DNMBP: variants seen among roughly 807,000 people sequenced by gnomAD.
DNMBP encodes dynamin binding protein.
A neutral mutation model predicts 150.0 loss-of-function variants in DNMBP; 87 were observed. The ratio of observed to expected loss-of-function variants is 0.58; its 90% confidence interval spans 0.49 to 0.69. DNMBP has a LOEUF of 0.69. Among genes scored for constraint, DNMBP ranks in the 30% least tolerant of loss-of-function variants. The probability of loss-of-function intolerance (pLI) is 0.00; values close to 1 mark genes in which losing one functional copy is unlikely to be tolerated. For missense variants in DNMBP, 1,774 were observed against 1,949.0 expected (o/e 0.91, Z 1.69); for synonymous variants, 711 against 750.4 (o/e 0.95, Z 0.86).
chr10:99,977,989 T>A (rs948358274), intron 1 of DNMBP, among the ~76,000 whole-genome samples: 9 of 152,186 alleles, frequency 5.9e-5, no homozygotes, highest in Non-Finnish European at 1.0e-4. Context: ...GACTTCTTCA[T>A]CCTCTATGGC....
At chr10:99,942,534 T>C (rs184689434) in intron 4 of DNMBP, among the ~76,000 whole-genome samples, 15 of 152,318 alleles carry the variant, frequency 9.8e-5, no homozygotes, top group African/African-American at 3.4e-4. Flanking sequence ...GATGAATTAT[T>C]TTCCTGTACC....
chr10:99,963,792 C>G (rs7899698), intron 3 of DNMBP, among the ~76,000 whole-genome samples: 1 of 148,466 alleles, frequency 6.7e-6, no homozygotes, highest in African/African-American at 2.5e-5. Flanking sequence ...GGGTTCCTCA[C>G]GGACTCCTTT....
At chr10:99,979,007 A>G (rs1392764971) in intron 1 of DNMBP, among the ~76,000 whole-genome samples, 7 of 152,172 alleles carry the variant, frequency 4.6e-5, no homozygotes, top group Non-Finnish European at 1.0e-4. Context: ...AATCTGATTA[A>G]TCTTTCTAAA....
intron 4 of DNMBP, among the ~76,000 whole-genome samples, chr10:99,936,929 T>C (rs2040239915): frequency 6.6e-6 from 1 of 151,606 alleles, no homozygotes; most frequent in African/African-American, 2.4e-5. Context: ...GACAGAGTGT[T>C]ACTCTGTCAC....
intron 7 of DNMBP, 120 bp from the exon 8 acceptor site, chr10:99,898,880 C>T: frequency 1.0e-6 from 1 of 997,754 alleles, no homozygotes; most frequent in Non-Finnish European, 1.5e-6. Flanking sequence ...TTTATGGTAA[C>T]ATATTTAGTC....
At chr10:99,948,787 A>T (rs2040387097) in intron 4 of DNMBP, among the ~76,000 whole-genome samples, 1 of 151,890 alleles carries the variant, frequency 6.6e-6, no homozygotes, top group Non-Finnish European at 1.5e-5. Context: ...ACATGGTGAA[A>T]CCCCATCTCT....
chr10:99,918,451 GAA>G (rs1054050782), intron 4 of DNMBP, among the ~76,000 whole-genome samples: 5 of 152,046 alleles, frequency 3.3e-5, no homozygotes, highest in Non-Finnish European at 7.4e-5. Context: ...CCTGCTGGGA[GAA>G]ATTCCACCTC....
intron 3 of DNMBP, among the ~76,000 whole-genome samples, chr10:99,959,920 G>C (rs1032715393): frequency 1.3e-5 from 2 of 151,706 alleles, no homozygotes; most frequent in African/African-American, 4.8e-5. Context: ...TGAAGGGTAT[G>C]GACAATGAAT....
At chr10:99,992,595 C>T (rs925750486) in intron 1 of DNMBP, among the ~76,000 whole-genome samples, 3 of 147,512 alleles carry the variant, frequency 2.0e-5, no homozygotes, top group Non-Finnish European at 4.5e-5. Flanking sequence ...GGCGTGATCT[C>T]GGCTCACTGC....
chr10:99,928,618 T>C (rs1482502771), intron 4 of DNMBP, among the ~76,000 whole-genome samples: 1 of 152,130 alleles, frequency 6.6e-6, no homozygotes, highest in Non-Finnish European at 1.5e-5. Context: ...CTCTACATGA[T>C]AAAAGACTCC....
chr10:99,880,044 C>T lies in DNMBP; in HGVS notation c.4315G>A (p.Asp1439Asn), dbSNP rs780466144. ...SSPSRCPSDP[D>N]STSQPRSGDS... ...CCTGACCTTGGCTGGGAGGTGGAGT[C>T]TGGGTCTGAAGGGCATCTGGAAGGA... Residue 1439 changes from aspartate (D) to asparagine (N), a missense_variant, in exon 16 of 17, where the codon GAC (aspartate) becomes AAC (asparagine). Coordinates refer to ENST00000324109, the MANE Select transcript of DNMBP (RefSeq NM_015221.4). 6.2e-7 allele frequency: 1 copy of T among 1,614,156 alleles called. No individual in the cohort carries two copies. The highest frequency in any genetic ancestry group is 1.7e-5 in the Admixed American group (1 of 60,008).
rs7919323 is a variant in DNMBP, at chr10:99,898,123, G to A, written c.2883C>T (p.Asn961=). 596,147 of 1,613,010 alleles carry A rather than the reference G, an allele frequency of 0.37. 112,982 individuals are homozygous for A. The highest frequency in any genetic ancestry group is 0.39 in the Non-Finnish European group (462,715 of 1,179,288). Residue 961 remains asparagine, a synonymous_variant, in exon 9 of 17, where the codon AAC becomes AAT. Coordinates refer to ENST00000324109, the MANE Select transcript of DNMBP (RefSeq NM_015221.4). The part of the protein sequence containing the change: ...TNAVLAVKEI[N]VNINEYKRRK... ...GCCGTTTATATTCATTAATGTTAAC[G>A]TTGATTTCCTTGACCGCAAGGACTG...
chr10:99,884,018 GT>G lies in DNMBP; in HGVS notation c.3989del (p.Asp1330AlafsTer14), dbSNP rs1296179731. On this transcript the variant is annotated frameshift_variant, in exon 15 of 17. Coordinates refer to ENST00000324109, the MANE Select transcript of DNMBP (RefSeq NM_015221.4). LOFTEE classifies it high-confidence loss of function. Reference protein sequence around the residue: ...PMGSQNRWLIDNGVTKGFVYS... With the variant: ...PMGSQNRWLIXNGVTKGFVYS... ...GCTGCTTAAAATTCTTACCTCCATTGTCAATCAGCCAGCGGTTCTGGCTGCC... is the reference window on the plus strand; with the variant it reads ...GCTGCTTAAAATTCTTACCTCCATTGCAATCAGCCAGCGGTTCTGGCTGCC... The G allele has an allele frequency of 6.2e-7, 1 of 1,612,516 alleles. No individual in the cohort carries two copies. Among genetic ancestry groups the G allele is most frequent in the South Asian group, 1.1e-5 (1 of 91,004 alleles).
chr10:99,942,659 A>G (rs983642294), intron 4 of DNMBP, among the ~76,000 whole-genome samples: 1 of 152,212 alleles, frequency 6.6e-6, no homozygotes, highest in Non-Finnish European at 1.5e-5. Context: ...AGGCCATCCT[A>G]CAAACTGCTA....
chr10:99,960,578 C>T (rs775196481), intron 3 of DNMBP, among the ~76,000 whole-genome samples: 1 of 152,042 alleles, frequency 6.6e-6, no homozygotes, highest in South Asian at 2.1e-4. Context: ...GGCCGAGGTG[C>T]GCAGGATCAC....
At chr10:99,918,976 A>C (rs570657975) in intron 4 of DNMBP, among the ~76,000 whole-genome samples, 9 of 152,254 alleles carry the variant, frequency 5.9e-5, no homozygotes, top group Non-Finnish European at 1.0e-4. Flanking sequence ...TAAAGTTATC[A>C]CTGTTTAATA....
Position 99,880,211 on chromosome 10 carries a change from A to C in DNMBP, c.4148T>G (p.Leu1383Arg). The C allele has an allele frequency of 6.2e-7, 1 of 1,614,160 alleles. No individual in the cohort carries two copies. The highest frequency in any genetic ancestry group is 1.1e-5 in the South Asian group (1 of 91,084). The change falls in exon 16 of 17, where the codon CTG (leucine) becomes CGG (arginine). Residue 1383 changes from leucine to arginine, a missense_variant. This residue lies in a region of DNMBP where 1,430 missense variants were observed against 1,492.5 expected (regional missense o/e 0.96). Coordinates refer to ENST00000324109, the MANE Select transcript of DNMBP (RefSeq NM_015221.4). ...AGCCATGCTGCTGGGGTTGAAGGTC[A>C]GGGTGCTGCCGCTGTTCTGGCGTGG... ...RFPRQNSGST[L>R]TFNPSSMAVS... is the part of the protein sequence containing the mutation.
At chr10:99,972,535 T>C (rs768685916) in intron 1 of DNMBP, among the ~76,000 whole-genome samples, 14 of 152,240 alleles carry the variant, frequency 9.2e-5, no homozygotes, top group Admixed American at 2.0e-4. Flanking sequence ...CCTCCCAAAG[T>C]GCTGGGATTA....
chr10:100,002,628 A>C (rs11190363), intron 1 of DNMBP, among the ~76,000 whole-genome samples: 72,602 of 151,964 alleles, frequency 0.48, 17,935 homozygotes, highest in African/African-American at 0.58. Flanking sequence ...AGGAGGAAAA[A>C]GCTGACCTAA....
Sources: allele counts gnomAD v4.1 joint callset (sites outside exome capture counted in the v4.1 genomes callset), GRCh38; gene constraint gnomAD v4.1.1; regional missense constraint gnomAD v4.1.1; transcripts MANE v1.5; gene names NCBI Gene and HGNC (gene_info 2026-07-23, HGNC 2026-07-21).